RECK: variants seen among roughly 807,000 people sequenced by gnomAD.
RECK encodes reversion-inducing cysteine-rich protein with Kazal motifs.
Under a neutral mutation model 115.1 loss-of-function variants are expected in RECK, and 69 were observed. That is an observed-to-expected ratio of 0.60 (90% CI 0.49 to 0.73). RECK has a LOEUF of 0.73. Ranked by LOEUF, RECK falls within the 30% of genes least tolerant of loss-of-function variation. RECK has a pLI of 0.00. For synonymous variants in RECK, 414 were observed against 419.7 expected, an observed-to-expected ratio of 0.99 and a Z score of 0.17; for missense variants, 1,047 against 1,203.7, an observed-to-expected ratio of 0.87 and a Z score of 1.93.
intron 1 of RECK, among the ~76,000 whole-genome samples, chr9:36,051,225 T>A (rs1821287520): frequency 1.3e-5 from 2 of 152,306 alleles, no homozygotes; most frequent in Middle Eastern, 6.8e-3. Context: ...TTTTATCCCC[T>A]TTGGAGTCCT....
intron 6 of RECK, among the ~76,000 whole-genome samples, chr9:36,067,271 A>T (rs753160091): frequency 1.1e-4 from 17 of 152,114 alleles, no homozygotes; most frequent in Non-Finnish European, 1.9e-4. Flanking sequence ...TAATTTATGA[A>T]CCAGGCTTTT....
In RECK at chr9:36,105,131, T is replaced by C. The variant is rs1257851143; in HGVS notation, c.1436-12T>C. 6 of 1,612,624 alleles carry C rather than the reference T, an allele frequency of 3.7e-6. No homozygotes were observed. The highest frequency in any genetic ancestry group is 5.1e-6 in the Non-Finnish European group (6 of 1,179,050). On this transcript the variant is annotated splice_polypyrimidine_tract_variant and intron_variant, in intron 12 of 20. Transcript: ENST00000377966. ...TTAGGTTGGTTAAACTAATCTGTTT[T>C]GGTTTTTTCAGGGCCAAGTACTTTA...
chr9:36,105,775 CTT>C (rs893832225), intron 13 of RECK, among the ~76,000 whole-genome samples: 2 of 152,028 alleles, frequency 1.3e-5, no homozygotes, highest in African/African-American at 4.8e-5. Context: ...ATATATATAA[CTT>C]TAAGGGTGAA....
intron 9 of RECK, 116 bp downstream of exon 9, chr9:36,088,077 A>G: frequency 1.4e-6 from 1 of 727,752 alleles, no homozygotes; most frequent in Non-Finnish European, 2.3e-6. Context: ...GCATTTAGAA[A>G]ATATAAAATA....
intron 4 of RECK, 99 bp from the exon 5 acceptor site, chr9:36,063,696 C>G (rs1019249926): frequency 9.3e-7 from 1 of 1,075,092 alleles, no homozygotes; most frequent in Admixed American, 2.0e-5. Flanking sequence ...TTCTTATGGA[C>G]AGCTGCTTTG....
intron 1 of RECK, among the ~76,000 whole-genome samples, chr9:36,043,191 A>ATTTTTTTTTTTTTT (rs761649232): frequency 1.9e-5 from 1 of 53,988 alleles, no homozygotes; most frequent in Admixed American, 2.5e-4. Flanking sequence ...CGCCTGGCTA[A>ATTTTTTTTTTTTTT]TTTTTTTTTT....
chr9:36,115,801 T>C (rs1824235849), intron 16 of RECK, among the ~76,000 whole-genome samples: 1 of 152,222 alleles, frequency 6.6e-6, no homozygotes, highest in Non-Finnish European at 1.5e-5. Context: ...TCCTCTTTTA[T>C]TTTATAAACT....
At chr9:36,118,698 T>C (rs1447226738) in intron 17 of RECK, 59 bp from the exon 18 acceptor site, 1 of 1,523,652 alleles carries the variant, frequency 6.6e-7, no homozygotes, top group South Asian at 1.2e-5. Flanking sequence ...TGTGTACTCT[T>C]GGTTGGGAAA....
chr9:36,105,171 A>T lies in RECK; in HGVS notation c.1464A>T (p.Glu488Asp). ...CAAGTACTTTAGGTAACATTGTAGA[A>T]GAAGTGACTCATCCCTGTAACCCAA... ...LRPSTLGNIV[E>D]EVTHPCNPNP... The change falls in exon 13 of 21, where the codon GAA becomes GAT. Residue 488 changes from glutamate (E) to aspartate (D), a missense_variant. Physicochemically the swap from Glu to Asp is conservative, Grantham distance 45. Coordinates refer to ENST00000377966, the MANE Select transcript of RECK (RefSeq NM_021111.3). 1 of 1,614,140 alleles carries T rather than the reference A, an allele frequency of 6.2e-7. No homozygotes were observed. Among genetic ancestry groups the T allele is most frequent in the Non-Finnish European group, 8.5e-7 (1 of 1,180,006 alleles).
chr9:36,070,441 T>C (rs1337050804), intron 6 of RECK, among the ~76,000 whole-genome samples: 1 of 151,156 alleles, frequency 6.6e-6, no homozygotes, highest in African/African-American at 2.4e-5. Context: ...GTAAAAAGAA[T>C]AGAGAGCTGG....
Position 36,102,136 on chromosome 9 carries a change from C to G in RECK, c.1341C>G (p.Asn447Lys). 1 of 1,613,556 alleles carries G rather than the reference C, an allele frequency of 6.2e-7. No homozygotes were observed. The change falls in exon 12 of 21, where the codon AAC (asparagine) becomes AAG (lysine). Residue 447 changes from asparagine (N) to lysine (K), a missense_variant. Coordinates refer to ENST00000377966, the MANE Select transcript of RECK (RefSeq NM_021111.3). ...TTCTTAAAAAATGTGGAGACCAGAA[C>G]AAATTCCCTGAAGACCACACAGCTG... ...VEILKKCGDQ[N>K]KFPEDHTAES...
intron 15 of RECK, among the ~76,000 whole-genome samples, chr9:36,111,637 G>A (rs1019287148): frequency 1.3e-5 from 2 of 152,008 alleles, no homozygotes; most frequent in African/African-American, 2.4e-5. Flanking sequence ...CAGGTGATCC[G>A]CCCACCTCAG....
chr9:36,071,354 A>G (rs1480323068), intron 6 of RECK, among the ~76,000 whole-genome samples: 3 of 152,218 alleles, frequency 2.0e-5, no homozygotes, highest in Admixed American at 6.5e-5. Context: ...GAGACTGGCA[A>G]TGGCTATAAA....
chr9:36,077,297 A>G lies in RECK; in HGVS notation c.406-3308A>G, dbSNP rs1412634836. 3.9e-5 allele frequency among the ~76,000 whole-genome samples: 6 copies of G among 152,174 alleles called. No individual in the cohort carries two copies. The East Asian group carries it at 9.6e-4, about 24-fold the overall frequency. On this transcript the variant is annotated intron_variant, in intron 6 of 20. Coordinates refer to ENST00000377966, the MANE Select transcript of RECK (RefSeq NM_021111.3). The stretch of plus-strand genomic sequence containing the variant: ...AGATGGCAGACTTTTGAAAGACTTA[A>G]AAATTGACTAGCTAAGACTTCAAGA...
chr9:36,089,256 G>A (rs992816637), intron 9 of RECK, among the ~76,000 whole-genome samples: 1 of 152,138 alleles, frequency 6.6e-6, no homozygotes, highest in Non-Finnish European at 1.5e-5. Context: ...CACCTACGTA[G>A]AGTCACTAGA....
intron 6 of RECK, 105 bp from the exon 7 acceptor site, chr9:36,080,499 TA>T: frequency 1.1e-6 from 1 of 906,922 alleles, no homozygotes; most frequent in South Asian, 1.5e-5. Context: ...AGGGAAGAAT[TA>T]AATAGTTTTA....
intron 8 of RECK, 75 bp downstream of exon 8, chr9:36,083,637 G>A: frequency 7.0e-7 from 1 of 1,425,444 alleles, no homozygotes; most frequent in Non-Finnish European, 9.6e-7. Flanking sequence ...ATACGTTCTT[G>A]TAGATATCTG....
chr9:36,091,698 C>T (rs183903400), intron 10 of RECK, among the ~76,000 whole-genome samples: 19 of 152,236 alleles, frequency 1.2e-4, no homozygotes, highest in Non-Finnish European at 2.9e-5. Context: ...CTTTAAAGGA[C>T]CTTGAGACTG....
intron 14 of RECK, 87 bp downstream of exon 14, chr9:36,108,251 G>A: frequency 1.0e-6 from 1 of 992,270 alleles, no homozygotes; most frequent in Non-Finnish European, 1.5e-6. Context: ...TCTGACCACA[G>A]AGTAAGGTCT....
Sources: gnomAD v4.1 joint callset for allele counts (sites outside exome capture counted in the v4.1 genomes callset) on GRCh38, gnomAD v4.1.1 for gene constraint, MANE v1.5 for transcripts, NCBI Gene and HGNC (gene_info 2026-07-23, HGNC 2026-07-21) for gene names.